MACROD2: variants seen among roughly 807,000 people sequenced by gnomAD.
The protein encoded by MACROD2 is mono-ADP ribosylhydrolase 2.
A neutral mutation model predicts 70.4 loss-of-function variants in MACROD2; 36 were observed. That is an observed-to-expected ratio of 0.51 (90% CI 0.39 to 0.68). The LOEUF (loss-of-function observed/expected upper bound fraction) is 0.68, where lower values mean the gene tolerates loss of function less well. Among genes scored for constraint, MACROD2 ranks in the 30% least tolerant of loss-of-function variants. The pLI, the probability that MACROD2 is intolerant of heterozygous loss-of-function variation, is 0.00. For missense variants in MACROD2, 496 were observed against 538.4 expected (o/e 0.92, Z 0.78); for synonymous variants, 172 against 178.8 (o/e 0.96, Z 0.30).
At chr20:15,633,301 G>T (rs1321550868) in intron 8 of MACROD2, among the ~76,000 whole-genome samples, 1 of 152,100 alleles carries the variant, frequency 6.6e-6, no homozygotes, top group Non-Finnish European at 1.5e-5. Flanking sequence ...TCAATTTGCT[G>T]TATTCTTAAA....
Position 16,044,581 on chromosome 20 carries a change from T to C in MACROD2, c.1242T>C (p.Asn414=). ...ENTPGPDVEM[N]SQVDKVNDPT... ...TTTTTCTGGTGACAGTTGAAATGAA[T>C]AGTCAGGTTGACAAGGTAAATGACC... Residue 414 remains asparagine (N), a synonymous_variant, in exon 17 of 18, where the codon AAT becomes AAC. Transcript: ENST00000684519. The C allele has an allele frequency of 1.2e-6, 2 of 1,611,332 alleles. No individual in the cohort carries two copies. The highest frequency in any genetic ancestry group is 1.7e-6 in the Non-Finnish European group (2 of 1,178,352).
At chr20:15,636,270 T>A (rs529619625) in intron 8 of MACROD2, among the ~76,000 whole-genome samples, 1 of 152,134 alleles carries the variant, frequency 6.6e-6, no homozygotes, top group South Asian at 2.1e-4. Flanking sequence ...GTCTATAACA[T>A]CACTGACAAA....
chr20:14,310,941 G>A (rs1305571504), intron 3 of MACROD2, among the ~76,000 whole-genome samples: 3 of 152,084 alleles, frequency 2.0e-5, no homozygotes, highest in Non-Finnish European at 2.9e-5. Context: ...TGTACAACGC[G>A]TTTGTGTTTA....
At chr20:15,126,985 A>G (rs1024345982) in intron 5 of MACROD2, among the ~76,000 whole-genome samples, 1 of 152,100 alleles carries the variant, frequency 6.6e-6, no homozygotes, top group Non-Finnish European at 1.5e-5. Flanking sequence ...AAATTTTTTT[A>G]GTTTTATTAT....
chr20:14,085,647 G>A lies in MACROD2; in HGVS notation c.190G>A (p.Val64Met). The A allele has an allele frequency of 6.3e-7, 1 of 1,579,004 alleles. No homozygotes were observed. Among genetic ancestry groups the A allele is most frequent in the South Asian group, 1.2e-5 (1 of 82,766 alleles). Residue 64 changes from valine to methionine, a missense_variant, in exon 3 of 18, where the codon GTG becomes ATG. Physicochemically the swap from Val to Met is conservative, Grantham distance 21. Coordinates refer to ENST00000684519, the MANE Select transcript of MACROD2 (RefSeq NM_001351661.2). ...AGAAAATACTCAGGAAACATCCCAG[G>A]TGAAGAAAAGTTTGACTGAAAAAGT... ...DEENTQETSQ[V>M]KKSLTEKVSL... is the part of the protein sequence containing the mutation.
chr20:14,523,454 T>A (rs2085193763), intron 4 of MACROD2: 1 of 152,176 alleles, frequency 6.6e-6, no homozygotes, highest in Non-Finnish European at 1.5e-5. Context: ...TTTGGGGTAA[T>A]GTATGTGCCA....
rs11455793 is a variant in MACROD2, at chr20:15,380,425, GT to G, written c.541-50968del. ...AAGATTAGGAAATAACTTAGGGAAA[GT>G]TTTTTTTTTTTCAGGTAACCATTGG... On this transcript the variant is annotated intron_variant, in intron 6 of 17. Coordinates refer to ENST00000684519, the MANE Select transcript of MACROD2 (RefSeq NM_001351661.2). Among the ~76,000 whole-genome samples, 324 of 147,706 alleles carry G rather than the reference GT, an allele frequency of 2.2e-3. 2 individuals carry two copies. The highest frequency in any genetic ancestry group is 0.011 in the Middle Eastern group (3 of 278).
chr20:14,124,067 G>T (rs948375593), intron 3 of MACROD2, among the ~76,000 whole-genome samples: 7 of 151,666 alleles, frequency 4.6e-5, no homozygotes, highest in Non-Finnish European at 1.0e-4. Flanking sequence ...TGTTTTCTTT[G>T]CTCCAAAAAG....
rs184848436 is a variant in MACROD2, at chr20:15,297,764, G to A, written c.540+67703G>A. Among the ~76,000 whole-genome samples, 8 of 152,314 alleles carry A rather than the reference G, an allele frequency of 5.3e-5. No homozygotes were observed. The East Asian group carries it at 1.4e-3, about 26-fold the overall frequency. On this transcript the variant is annotated intron_variant, in intron 6 of 17. Coordinates refer to ENST00000684519, the MANE Select transcript of MACROD2 (RefSeq NM_001351661.2). ...CTATATGACTTTGACTTCGTCAGAA[G>A]AGAATAGTAACTCTCCATTGACAGG... is the stretch of plus-strand genomic sequence containing the variant.
chr20:14,862,666 TAA>T (rs373347768), intron 5 of MACROD2, among the ~76,000 whole-genome samples: 1,666 of 26,926 alleles, frequency 0.062, 213 homozygotes, highest in Middle Eastern at 0.11. Flanking sequence ...AATATATATA[TAA>T]ATATATATAA....
chr20:14,986,575 C>T (rs1479673059), intron 5 of MACROD2, among the ~76,000 whole-genome samples: 1 of 152,066 alleles, frequency 6.6e-6, no homozygotes, highest in Non-Finnish European at 1.5e-5. Context: ...CAGATCTGTT[C>T]CACAAATGAT....
chr20:15,157,159 C>A (rs935158605), intron 5 of MACROD2, among the ~76,000 whole-genome samples: 1 of 152,148 alleles, frequency 6.6e-6, no homozygotes, highest in Non-Finnish European at 1.5e-5. Context: ...GTTCTGGAGG[C>A]TGGGAAGTCC....
chr20:15,230,102 C>G, intron 6 of MACROD2, 41 bp downstream of exon 6: 1 of 1,582,806 alleles, frequency 6.3e-7, no homozygotes, highest in Non-Finnish European at 8.6e-7. Flanking sequence ...TCTTTTTCAA[C>G]CTTTATGCTT....
At chr20:15,680,793 T>A (rs560593854) in intron 8 of MACROD2, among the ~76,000 whole-genome samples, 2 of 152,130 alleles carry the variant, frequency 1.3e-5, no homozygotes, top group African/African-American at 4.8e-5. Context: ...GGAGATAAGA[T>A]GAGTGATGAT....
At chr20:15,336,378 A>G (rs2078048292) in intron 6 of MACROD2, among the ~76,000 whole-genome samples, 1 of 127,846 alleles carries the variant, frequency 7.8e-6, no homozygotes, top group African/African-American at 2.9e-5. Context: ...TTTAACCAAA[A>G]AAAAAAAAGA....
chr20:15,280,372 A>G (rs1437990603), intron 6 of MACROD2, among the ~76,000 whole-genome samples: 1 of 152,178 alleles, frequency 6.6e-6, no homozygotes, highest in East Asian at 1.9e-4. Flanking sequence ...TCACAGACTA[A>G]ATATCTTATA....
At chr20:14,363,816 CAAAAAAAAAAAAAAAA>C (rs569929488) in intron 3 of MACROD2, among the ~76,000 whole-genome samples, 13 of 71,560 alleles carry the variant, frequency 1.8e-4, no homozygotes, top group African/African-American at 6.2e-4. Context: ...GACTCTGTCT[CAAAAAAAAAAAAAAAA>C]AAAAAAAAAA....
chr20:14,369,414 G>A (rs563191350), intron 3 of MACROD2, among the ~76,000 whole-genome samples: 2 of 152,266 alleles, frequency 1.3e-5, no homozygotes, highest in Admixed American at 6.5e-5. Flanking sequence ...TGGAGCAGGG[G>A]CAAATACAAA....
intron 8 of MACROD2, among the ~76,000 whole-genome samples, chr20:15,510,652 C>G (rs1020382626): frequency 6.6e-6 from 1 of 152,178 alleles, no homozygotes; most frequent in African/African-American, 2.4e-5. Flanking sequence ...GATGATGCCA[C>G]TGCTACTCAC....
Sources: allele counts gnomAD v4.1 joint callset (sites outside exome capture counted in the v4.1 genomes callset), GRCh38; gene constraint gnomAD v4.1.1; transcripts MANE v1.5; gene names NCBI Gene and HGNC (gene_info 2026-07-23, HGNC 2026-07-21).